IQSEC2: variants seen among roughly 807,000 people sequenced by gnomAD.
IQSEC2 encodes the protein IQ motif and SEC7 domain-containing protein 2.
In IQSEC2, 6 loss-of-function variants were observed where a neutral mutation model predicts 74.6. The ratio of observed to expected loss-of-function variants is 0.08; its 90% CI spans 0.04 to 0.16. The LOEUF is 0.16. IQSEC2 is among the 10% of genes least tolerant of loss of function. The pLI is 1.00. For synonymous variants in IQSEC2, 494 were observed against 544.5 expected (o/e 0.91, Z 1.29); for missense variants, 734 against 1,306.2 (o/e 0.56, Z 6.75).
chrX:53,308,879 C>T (rs782152351), intron 1 of IQSEC2, among the ~76,000 whole-genome samples: 1 of 110,059 alleles, frequency 9.1e-6, no homozygotes, highest in South Asian at 4.0e-4. Flanking sequence ...ATGAGGATCA[C>T]TTGAGCCTAG....
chrX:53,317,395 G>C (rs1298793062), intron 1 of IQSEC2, among the ~76,000 whole-genome samples: 1 of 111,333 alleles, frequency 9.0e-6, no homozygotes, highest in Non-Finnish European at 1.9e-5. Context: ...ATCCTGGGTG[G>C]ATGACATGGA....
chrX:53,280,401 G>C (rs1448713788), intron 2 of IQSEC2, among the ~76,000 whole-genome samples: 3 of 111,069 alleles, frequency 2.7e-5, no homozygotes, highest in Non-Finnish European at 5.7e-5. Flanking sequence ...GAAAGACAGA[G>C]AAAGAGGAAG....
rs1556859030 is a variant in IQSEC2, at chrX:53,234,505, G to A, written c.4181C>T (p.Pro1394Leu). 9.1e-7 allele frequency: 1 copy of A among 1,101,477 alleles called. No homozygotes were observed. The highest frequency in any genetic ancestry group is 3.4e-5 in the East Asian group (1 of 29,568). 90.8% of individuals were successfully genotyped at this position (1,101,477 alleles called of 1,213,427 possible). A position where few individuals can be genotyped will look rare whatever the true frequency, so the allele number is the denominator to read the frequency against. The change falls in exon 15 of 15, where the codon CCA (proline) becomes CTA (leucine). Residue 1394 changes from proline to leucine, a missense_variant. Transcript: ENST00000642864. ...GPKHFIFSHH[P>L]QMMPAAGAAG... ...CGCGCCTGCTGCTGGCATCATCTGT[G>A]GGTGGTGGCTGAAGATGAAGTGCTT...
chrX:53,251,416 C>T (rs1198479643), intron 4 of IQSEC2, among the ~76,000 whole-genome samples: 1 of 110,614 alleles, frequency 9.0e-6, no homozygotes, highest in Non-Finnish European at 1.9e-5. Flanking sequence ...ACAAGTTCCC[C>T]ACTCAGCTCA....
At chrX:53,231,798 T>C, downstream of IQSEC2, 1 of 112,461 alleles carries the variant, frequency 8.9e-6, no homozygotes, top group East Asian at 2.8e-4. Flanking sequence ...CCCTCAAGTC[T>C]GGTCCATGAG....
At chrX:53,297,908 T>C (rs782470146) in intron 1 of IQSEC2, among the ~76,000 whole-genome samples, 1 of 110,914 alleles carries the variant, frequency 9.0e-6, no homozygotes, top group East Asian at 2.9e-4. Flanking sequence ...GGTGGGCAGA[T>C]CAACTGAGGT....
At chrX:53,263,200 A>G (rs782367143) in intron 2 of IQSEC2, among the ~76,000 whole-genome samples, 1 of 111,930 alleles carries the variant, frequency 8.9e-6, no homozygotes, top group Non-Finnish European at 1.9e-5. Flanking sequence ...CCCGGGAGGA[A>G]GCAGGAAGGA....
intron 7 of IQSEC2, 136 bp from the exon 8 acceptor site, chrX:53,247,271 C>A (rs2074321024): frequency 1.2e-5 from 7 of 569,043 alleles, no homozygotes; most frequent in Admixed American, 2.8e-5. Context: ...CTCTTCAGAG[C>A]TTCCCCTAGA....
intron 2 of IQSEC2, chrX:53,266,691 A>C: frequency 1.1e-6 from 1 of 887,459 alleles, no homozygotes; most frequent in Non-Finnish European, 1.4e-6. Flanking sequence ...CCAGGTTCCA[A>C]GCTCCAAGCT....
At chrX:53,295,603 C>CAAAAAAA (rs782410222) in intron 1 of IQSEC2, among the ~76,000 whole-genome samples, 7 of 40,571 alleles carry the variant, frequency 1.7e-4, no homozygotes, top group East Asian at 8.4e-4. Context: ...GACTCCGTCT[C>CAAAAAAA]AAAAAAAAAA....
intron 2 of IQSEC2, among the ~76,000 whole-genome samples, chrX:53,256,643 G>C (rs1235090768): frequency 9.0e-6 from 1 of 111,710 alleles, no homozygotes; most frequent in East Asian, 2.9e-4. Flanking sequence ...CTGCAGCCTG[G>C]CCCCTGCCCC....
chrX:53,293,424 C>A (rs1284462940), intron 1 of IQSEC2, among the ~76,000 whole-genome samples: 1 of 111,872 alleles, frequency 8.9e-6, no homozygotes, highest in African/African-American at 3.2e-5. Context: ...CCTTCTCAGC[C>A]CCCTGAAGGA....
intron 2 of IQSEC2, among the ~76,000 whole-genome samples, chrX:53,279,004 C>T (rs1329078661): frequency 3.6e-5 from 4 of 111,098 alleles, no homozygotes; most frequent in East Asian, 5.6e-4. Flanking sequence ...GGTGAAACCC[C>T]GTCTCTACTA....
chrX:53,308,029 T>A (rs1414084426), intron 1 of IQSEC2, among the ~76,000 whole-genome samples: 7 of 108,347 alleles, frequency 6.5e-5, no homozygotes, highest in African/African-American at 2.4e-4. Context: ...CCGGGCATAG[T>A]GGTGGGCACC....
downstream of IQSEC2, chrX:53,229,813 G>A (rs2074056752): frequency 8.9e-6 from 1 of 112,515 alleles, no homozygotes; most frequent in Non-Finnish European, 1.9e-5. Flanking sequence ...AATTTAAGGA[G>A]TAACAACATT....
intron 2 of IQSEC2, among the ~76,000 whole-genome samples, chrX:53,286,939 C>CAAAAAAAAAAAAAAAAAA (rs11464309): frequency 1.7e-5 from 1 of 58,457 alleles, no homozygotes; most frequent in Non-Finnish European, 2.8e-5. Flanking sequence ...GTATCCGGCT[C>CAAAAAAAAAAAAAAAAAA]AAAAAAAAAA....
chrX:53,263,574 C>A (rs1199673900), intron 2 of IQSEC2, among the ~76,000 whole-genome samples: 1 of 111,054 alleles, frequency 9.0e-6, no homozygotes, highest in Non-Finnish European at 1.9e-5. Flanking sequence ...CATAACCAAG[C>A]CCATGCTCAT....
In IQSEC2 at chrX:53,279,514, A is replaced by G. The variant is rs782630917; in HGVS notation, c.737+12381T>C. On this transcript the variant is annotated intron_variant, in intron 2 of 14. Transcript: ENST00000642864. ...GGAGGGGCTGGCAATGACACTGTAT[A>G]TTTGTCTGGAAGGAGGAGGAATTGG... 8.8e-6 allele frequency: 7 copies of G among 791,024 alleles called. No homozygotes were observed. The African/African-American group carries it at 1.0e-4, about 12-fold the overall frequency. 65.2% of individuals were successfully genotyped at this position (791,024 alleles called of 1,213,427 possible).
At position 53,249,112 on chromosome X, in the gene IQSEC2, C is replaced by T. The variant is rs1315410055; in HGVS notation, c.2298-230G>A. On this transcript the variant is annotated intron_variant, in intron 5 of 14. Transcript: ENST00000642864. ...CTTCAAAATCCCAAGGTATCTTCAA[C>T]CCAACATCCCCCTTCACTGGAGCCA... 7.2e-5 allele frequency among the ~76,000 whole-genome samples: 8 copies of T among 111,621 alleles called. No homozygotes were observed. The Admixed American group carries it at 7.6e-4, about 11-fold the overall frequency.
Sources: gnomAD v4.1 joint callset for allele counts (sites outside exome capture counted in the v4.1 genomes callset) on GRCh38, gnomAD v4.1.1 for gene constraint, MANE v1.5 for transcripts, NCBI Gene and HGNC (gene_info 2026-07-23, HGNC 2026-07-21) for gene names.